Variants in PLXNA4 observed in about 807,000 individuals in gnomAD.
PLXNA4 encodes the protein plexin-A4.
Under a neutral mutation model 191.8 loss-of-function variants are expected in PLXNA4, and 44 were observed. The ratio of observed to expected loss-of-function variants is 0.23; its 90% confidence interval spans 0.18 to 0.29. The LOEUF (loss-of-function observed/expected upper bound fraction) is 0.29. PLXNA4 is among the 10% of genes least tolerant of loss of function. The pLI is 1.00. For synonymous variants in PLXNA4, 1,082 were observed against 1,009.5 expected (o/e 1.07, Z -1.36); for missense variants, 1,800 against 2,488.8 (o/e 0.72, Z 5.89).
chr7:132,157,788 C>T (rs1025354054), intron 25 of PLXNA4, among the ~76,000 whole-genome samples: 5 of 152,206 alleles, frequency 3.3e-5, no homozygotes, highest in African/African-American at 9.7e-5. Context: ...ACTCAATTCT[C>T]CCTGGAAAAA....
chr7:132,259,023 G>A (rs1288072976), intron 4 of PLXNA4, among the ~76,000 whole-genome samples: 1 of 152,092 alleles, frequency 6.6e-6, no homozygotes, highest in Non-Finnish European at 1.5e-5. Flanking sequence ...GTGTGCCACG[G>A]TAATCTAATC....
chr7:132,163,590 A>G (rs1796012182), intron 24 of PLXNA4, among the ~76,000 whole-genome samples: 1 of 152,164 alleles, frequency 6.6e-6, no homozygotes, highest in Non-Finnish European at 1.5e-5. Context: ...TGTTTTTGTC[A>G]GGTGAGGGAG....
chr7:132,161,904 G>C (rs1795963474), intron 24 of PLXNA4, among the ~76,000 whole-genome samples: 1 of 152,174 alleles, frequency 6.6e-6, no homozygotes, highest in Non-Finnish European at 1.5e-5. Context: ...CCCAGATGTT[G>C]CTGATGTTGG....
intron 9 of PLXNA4, among the ~76,000 whole-genome samples, chr7:132,219,198 G>A (rs1385128310): frequency 6.6e-6 from 1 of 152,136 alleles, no homozygotes; most frequent in African/African-American, 2.4e-5. Context: ...CCAGGGCCTG[G>A]GTATACCTTC....
chr7:132,300,052 C>T (rs142054189), intron 3 of PLXNA4, among the ~76,000 whole-genome samples: 1 of 152,328 alleles, frequency 6.6e-6, no homozygotes, highest in East Asian at 1.9e-4. Context: ...GCCTGCCTGA[C>T]ATTGGGACTT....
chr7:132,413,004 A>G (rs1794521470), intron 3 of PLXNA4, among the ~76,000 whole-genome samples: 1 of 139,314 alleles, frequency 7.2e-6, no homozygotes, highest in Admixed American at 6.8e-5. Flanking sequence ...TTTAGAAACA[A>G]AGTCACTTGA....
intron 9 of PLXNA4, among the ~76,000 whole-genome samples, chr7:132,215,125 C>T (rs541223586): frequency 4.2e-4 from 64 of 152,326 alleles, no homozygotes; most frequent in African/African-American, 1.5e-3. Context: ...TTATTCCACT[C>T]CTCTGGGCTT....
chr7:132,435,885 G>A (rs1323164144), intron 3 of PLXNA4, among the ~76,000 whole-genome samples: 1 of 152,234 alleles, frequency 6.6e-6, no homozygotes, highest in Non-Finnish European at 1.5e-5. Flanking sequence ...GCCAGGGTCA[G>A]CAGCCAGCCA....
At chr7:132,154,301 G>A (rs1173099299) in intron 25 of PLXNA4, among the ~76,000 whole-genome samples, 2 of 152,160 alleles carry the variant, frequency 1.3e-5, no homozygotes, top group Non-Finnish European at 2.9e-5. Context: ...TGAAGTGCTG[G>A]GAGCAGGCAC....
At chr7:132,483,048 C>A (rs73444833) in intron 3 of PLXNA4, among the ~76,000 whole-genome samples, 3 of 152,046 alleles carry the variant, frequency 2.0e-5, no homozygotes, top group African/African-American at 4.8e-5. Flanking sequence ...AGAACTGCTG[C>A]GAAAAGCAGC....
At chr7:132,504,775 C>T (rs189014799) in intron 2 of PLXNA4, among the ~76,000 whole-genome samples, 1 of 152,158 alleles carries the variant, frequency 6.6e-6, no homozygotes, top group African/African-American at 2.4e-5. Context: ...AGAGAGATCT[C>T]CAGAGTTCAT....
chr7:132,196,921 C>T (rs1797270783), intron 13 of PLXNA4, among the ~76,000 whole-genome samples: 1 of 151,936 alleles, frequency 6.6e-6, no homozygotes, highest in South Asian at 2.1e-4. Context: ...GTGATCTTTG[C>T]CTTTTATTTA....
chr7:132,508,535 G>A lies in PLXNA4; in HGVS notation c.159C>T (p.His53=), dbSNP rs1798578268. The change falls in exon 2 of 32, where the codon CAC becomes CAT. Residue 53 remains histidine, a synonymous_variant. Coordinates refer to ENST00000321063, the MANE Select transcript of PLXNA4 (RefSeq NM_020911.2). This position sits in a 1 kb window ranked among gnomAD's most constrained non-coding sequence, Gnocchi z 4.4. ...GTCCTGTCCTCTCATCCACCACCAGGTGATTGAAACCCTCGGCGGGCTCTC... is the reference window on the plus strand; with the variant it reads ...GTCCTGTCCTCTCATCCACCACCAGATGATTGAAACCCTCGGCGGGCTCTC... ...FRGEPAEGFN[H]LVVDERTGHI... is the part of the protein sequence containing the mutation. 1 of 1,614,218 alleles carries A rather than the reference G, an allele frequency of 6.2e-7. No individual in the cohort carries two copies. The highest frequency in any genetic ancestry group is 1.3e-5 in the African/African-American group (1 of 75,070).
At chr7:132,494,409 C>A (rs1356408203) in intron 2 of PLXNA4, among the ~76,000 whole-genome samples, 2 of 152,168 alleles carry the variant, frequency 1.3e-5, no homozygotes, top group African/African-American at 2.4e-5. Context: ...TGATTCCAAC[C>A]CCCTCTTGCT....
chr7:132,164,367 C>G (rs1490453728), intron 23 of PLXNA4, 79 bp from the exon 24 acceptor site: 18 of 1,557,300 alleles, frequency 1.2e-5, no homozygotes, highest in Non-Finnish European at 1.6e-5. Flanking sequence ...CTCCAAAGGG[C>G]TGCTTCCATC....
chr7:132,647,157 A>G (rs1191392929), intron 1 of PLXNA4, among the ~76,000 whole-genome samples: 1 of 151,858 alleles, frequency 6.6e-6, no homozygotes, highest in Admixed American at 6.6e-5. Context: ...AGTCACACAT[A>G]TATATACATT....
intron 4 of PLXNA4, among the ~76,000 whole-genome samples, chr7:132,259,994 T>C (rs1206232850): frequency 1.3e-5 from 2 of 151,968 alleles, no homozygotes; most frequent in Non-Finnish European, 2.9e-5. Context: ...AGGCTATTAT[T>C]AAAAAGACAA....
chr7:132,553,953 G>A (rs975672740), intron 1 of PLXNA4, among the ~76,000 whole-genome samples: 2 of 152,078 alleles, frequency 1.3e-5, no homozygotes, highest in African/African-American at 2.4e-5. Context: ...TTTGCTCCCA[G>A]CTCACAGGTA....
intron 4 of PLXNA4, among the ~76,000 whole-genome samples, chr7:132,290,003 TG>T (rs1430606365): frequency 6.6e-6 from 1 of 152,226 alleles, no homozygotes; most frequent in Non-Finnish European, 1.5e-5. Flanking sequence ...GCTGCTATCC[TG>T]GGCAATGCCT....
Sources: gnomAD v4.1 joint callset for allele counts (sites outside exome capture counted in the v4.1 genomes callset) on GRCh38, gnomAD v4.1.1 for gene constraint, Gnocchi (gnomAD v3.1) non-coding constraint, MANE v1.5 for transcripts, NCBI Gene and HGNC (gene_info 2026-07-23, HGNC 2026-07-21) for gene names.